The following ODAD2 variants were observed in gnomAD, a reference collection of about 807,000 sequenced individuals.
ODAD2 encodes the protein outer dynein arm-docking complex subunit 2.
In ODAD2, 89 loss-of-function variants were observed where a neutral mutation model predicts 106.8. The ratio of observed to expected loss-of-function variants is 0.83; its 90% CI spans 0.70 to 0.99. The LOEUF is 0.99. Ranked by LOEUF, ODAD2 falls within the 50% of genes least tolerant of loss-of-function variation. The pLI is 0.00. For synonymous variants in ODAD2, 404 were observed against 436.2 expected (o/e 0.93, Z 0.92); for missense variants, 1,168 against 1,238.5 (o/e 0.94, Z 0.85).
At chr10:27,830,345 C>T (rs1006600542) in intron 19 of ODAD2, among the ~76,000 whole-genome samples, 2 of 152,184 alleles carry the variant, frequency 1.3e-5, no homozygotes, top group Non-Finnish European at 2.9e-5. Flanking sequence ...TTGCCCCAAA[C>T]CACTGCACCA....
rs548674991 is a variant in ODAD2, at chr10:27,967,711, C to T, written c.1238+1212G>A. On this transcript the variant is annotated intron_variant, in intron 9 of 19. Transcript: ENST00000305242. ...TTCAAGACCAGCCTGGCCAACATGGCAAAACCCCGTATCTACTAAAAATAA... is the reference window on the plus strand; with the variant it reads ...TTCAAGACCAGCCTGGCCAACATGGTAAAACCCCGTATCTACTAAAAATAA... Among the ~76,000 whole-genome samples, 68 of 152,008 alleles carry T rather than the reference C, an allele frequency of 4.5e-4. 1 individual carries two copies. The East Asian group carries it at 5.4e-3, about 12-fold the overall frequency.
intron 16 of ODAD2, among the ~76,000 whole-genome samples, chr10:27,916,834 T>C (rs1292653105): frequency 6.6e-6 from 1 of 152,152 alleles, no homozygotes; most frequent in Non-Finnish European, 1.5e-5. Flanking sequence ...CCAAAAGTTA[T>C]ACACAGATTT....
At chr10:27,907,526 G>T (rs565990790) in intron 17 of ODAD2, 137 bp downstream of exon 17, 1 of 533,752 alleles carries the variant, frequency 1.9e-6, no homozygotes, top group East Asian at 2.9e-5. Context: ...AATTATTTTG[G>T]CATAAACATT....
chr10:27,985,705 CA>C (rs1849836446), intron 3 of ODAD2, among the ~76,000 whole-genome samples: 1 of 151,890 alleles, frequency 6.6e-6, no homozygotes, highest in Non-Finnish European at 1.5e-5. Context: ...CACTCTTTTG[CA>C]AGTATTCAAA....
At chr10:27,944,708 G>C in intron 11 of ODAD2, 108 bp downstream of exon 11, 1 of 1,358,142 alleles carries the variant, frequency 7.4e-7, no homozygotes, top group Non-Finnish European at 1.0e-6. Flanking sequence ...AATAATAGCA[G>C]ATAAAGACAA....
intron 12 of ODAD2, among the ~76,000 whole-genome samples, chr10:27,942,135 T>C (rs532109274): frequency 4.6e-5 from 7 of 152,308 alleles, no homozygotes; most frequent in African/African-American, 1.7e-4. Flanking sequence ...AGAAAGCCCG[T>C]AGCATTTGTG....
intron 17 of ODAD2, among the ~76,000 whole-genome samples, chr10:27,876,198 T>C (rs2133504510): frequency 6.6e-6 from 1 of 152,242 alleles, no homozygotes; most frequent in African/African-American, 2.4e-5. Context: ...AAGAGAGTAG[T>C]GGTTCTCCCA....
At chr10:27,834,310 A>G (rs1020919286) in intron 19 of ODAD2, among the ~76,000 whole-genome samples, 5 of 152,170 alleles carry the variant, frequency 3.3e-5, no homozygotes, top group South Asian at 2.1e-4. Flanking sequence ...GCCAATCTCA[A>G]TGAGTCCAAA....
chr10:27,962,190 A>G (rs1848187801), intron 9 of ODAD2, among the ~76,000 whole-genome samples: 1 of 152,256 alleles, frequency 6.6e-6, no homozygotes, highest in South Asian at 2.1e-4. Flanking sequence ...AAACAAGGGT[A>G]TTCAGTGAAT....
intron 7 of ODAD2, among the ~76,000 whole-genome samples, chr10:27,975,333 T>G (rs1849122372): frequency 6.6e-6 from 1 of 152,030 alleles, no homozygotes; most frequent in Non-Finnish European, 1.5e-5. Context: ...GTATAAAAGA[T>G]AAAAATTAAA....
At chr10:27,887,298 G>A (rs1842289067) in intron 17 of ODAD2, among the ~76,000 whole-genome samples, 1 of 151,976 alleles carries the variant, frequency 6.6e-6, no homozygotes, top group Non-Finnish European at 1.5e-5. Context: ...TCAAGAGGAT[G>A]TAATAATTAC....
chr10:27,892,017 A>C (rs1041293685), intron 17 of ODAD2, among the ~76,000 whole-genome samples: 1 of 152,180 alleles, frequency 6.6e-6, no homozygotes, highest in Non-Finnish European at 1.5e-5. Flanking sequence ...ATAATACTGA[A>C]CACCTGTTCA....
intron 19 of ODAD2, among the ~76,000 whole-genome samples, chr10:27,830,768 G>C (rs562219235): frequency 3.1e-4 from 47 of 152,224 alleles, no homozygotes; most frequent in African/African-American, 1.1e-3. Flanking sequence ...ATTCAATAAA[G>C]TCATTCCTTC....
At chr10:27,818,371 T>A (rs993555573) in intron 19 of ODAD2, among the ~76,000 whole-genome samples, 6 of 152,120 alleles carry the variant, frequency 3.9e-5, no homozygotes, top group Non-Finnish European at 7.4e-5. Context: ...TTCTCCCAAG[T>A]AGATGATTCA....
At chr10:27,856,277 T>G (rs1839649126) in intron 19 of ODAD2, among the ~76,000 whole-genome samples, 1 of 152,098 alleles carries the variant, frequency 6.6e-6, no homozygotes, top group African/African-American at 2.4e-5. Context: ...GGGGATTGAT[T>G]AACACATTTA....
At chr10:27,952,108 A>C (rs1360276146) in intron 10 of ODAD2, among the ~76,000 whole-genome samples, 1 of 150,876 alleles carries the variant, frequency 6.6e-6, no homozygotes, top group Admixed American at 6.6e-5. Flanking sequence ...ACTAACAGAA[A>C]ATAAATACCT....
chr10:27,920,136 G>C (rs150094265), intron 16 of ODAD2, among the ~76,000 whole-genome samples: 1 of 152,154 alleles, frequency 6.6e-6, no homozygotes, highest in East Asian at 1.9e-4. Flanking sequence ...AGGTGGCACT[G>C]AGTGGGCTGT....
At chr10:27,882,149 CAG>C (rs762654747) in intron 17 of ODAD2, among the ~76,000 whole-genome samples, 17 of 137,532 alleles carry the variant, frequency 1.2e-4, no homozygotes, top group Non-Finnish European at 1.9e-4. Flanking sequence ...GCCTGGGTGA[CAG>C]AGTGAGACCT....
At chr10:27,931,801 G>T (rs999697756) in intron 16 of ODAD2, among the ~76,000 whole-genome samples, 1 of 149,734 alleles carries the variant, frequency 6.7e-6, no homozygotes, top group Non-Finnish European at 1.5e-5. Context: ...TTAAAGCTGA[G>T]ATACAGAATA....
Sources: allele counts gnomAD v4.1 joint callset (sites outside exome capture counted in the v4.1 genomes callset), GRCh38; gene constraint gnomAD v4.1.1; transcripts MANE v1.5; gene names NCBI Gene and HGNC (gene_info 2026-07-23, HGNC 2026-07-21).